The following UBE2Q2 variants were observed in gnomAD, a reference collection of about 807,000 sequenced individuals.
UBE2Q2 encodes the protein ubiquitin conjugating enzyme E2 Q2.
In UBE2Q2, 54 loss-of-function variants were observed where a neutral mutation model predicts 59.9. The ratio of observed to expected loss-of-function variants is 0.90; its 90% CI spans 0.72 to 1.13. UBE2Q2 has a LOEUF of 1.13. Among genes scored for constraint, UBE2Q2 ranks in the 50% most tolerant of loss-of-function variants. UBE2Q2 has a pLI of 0.00. For missense variants in UBE2Q2, 433 were observed against 441.9 expected, an observed-to-expected ratio of 0.98 and a Z score of 0.18; for synonymous variants, 165 against 155.2, an observed-to-expected ratio of 1.06 and a Z score of -0.47.
In UBE2Q2 at chr15:75,843,515, T is replaced by A. The variant is rs1896125650; in HGVS notation, c.-152T>A. The A allele has an allele frequency of 2.6e-6, 1 of 391,902 alleles. No homozygotes were observed. Among genetic ancestry groups the A allele is most frequent in the Admixed American group, 5.3e-5 (1 of 19,012 alleles). The allele number at this position is 391,902 out of a possible 1,614,324, so 24.3% of individuals were successfully genotyped here. ...GCCGAGGCTTCCGCGCCCCTCGCCA[T>A]TTTCCAGCAGCGCTCGACGAGGCGG... On this transcript the variant is annotated 5_prime_UTR_variant, in exon 1 of 13. Transcript: ENST00000267938.
Position 75,873,587 on chromosome 15 carries a change from C to T in UBE2Q2, c.588+19C>T. 6.3e-7 allele frequency: 1 copy of T among 1,596,372 alleles called. No individual in the cohort carries two copies. Among genetic ancestry groups the T allele is most frequent in the Non-Finnish European group, 8.5e-7 (1 of 1,174,368 alleles). On this transcript the variant is annotated intron_variant, in intron 5 of 12. Transcript: ENST00000267938. ...TTTAAATGTAAGTGTGTGTAGATAT[C>T]TAGAACCTGGACTTTTGTGGTTAAA...
intron 5 of UBE2Q2, among the ~76,000 whole-genome samples, chr15:75,875,645 C>T (rs1218422208): frequency 1.3e-5 from 2 of 152,122 alleles, no homozygotes; most frequent in Non-Finnish European, 2.9e-5. Flanking sequence ...CCATGGTGGT[C>T]TGGACATGTT....
At position 75,868,461 on chromosome 15, in the gene UBE2Q2, G is replaced by T. The variant is rs143765733; in HGVS notation, c.388-490G>T. Among the ~76,000 whole-genome samples, 14 of 152,094 alleles carry T rather than the reference G, an allele frequency of 9.2e-5. 1 individual carries two copies. The highest frequency in any genetic ancestry group is 3.4e-4 in the African/African-American group (14 of 41,410). On this transcript the variant is annotated intron_variant, in intron 3 of 12. Transcript: ENST00000267938. ...GGTGGTAATCATTTCATAATTCTTA[G>T]TTTTGTGAAATGTCTATTATCAATA...
At chr15:75,861,681 C>A (rs1472376786) in intron 3 of UBE2Q2, among the ~76,000 whole-genome samples, 1 of 151,996 alleles carries the variant, frequency 6.6e-6, no homozygotes, top group African/African-American at 2.4e-5. Flanking sequence ...ATTTTTCTTT[C>A]AACTTTTGGA....
At chr15:75,876,835 T>G (rs1898111956) in intron 6 of UBE2Q2, among the ~76,000 whole-genome samples, 1 of 152,164 alleles carries the variant, frequency 6.6e-6, no homozygotes, top group African/African-American at 2.4e-5. Context: ...TCTAATAGTA[T>G]TAAATAATGA....
rs973453954 is a variant in UBE2Q2 at position 75,843,596 on chromosome 15, G to T, written c.-71G>T. ...GCGGGGCGGTCGCGGCCGTGACGGC[G>T]GCTCCGGGCCCGGCTCCCCTTCCGC... On this transcript the variant is annotated 5_prime_UTR_variant, in exon 1 of 13. Transcript: ENST00000267938. 6.5e-6 allele frequency: 9 copies of T among 1,391,784 alleles called. No homozygotes were observed. The highest frequency in any genetic ancestry group is 2.4e-4 in the Middle Eastern group (1 of 4,140). The allele number at this position is 1,391,784 out of a possible 1,614,324, so 86.2% of individuals were successfully genotyped here.
intron 1 of UBE2Q2, among the ~76,000 whole-genome samples, chr15:75,849,037 T>C (rs1896502123): frequency 6.6e-6 from 1 of 152,216 alleles, no homozygotes; most frequent in Non-Finnish European, 1.5e-5. Context: ...GCATTTTCTT[T>C]TTATCATGGG....
At chr15:75,851,873 G>C (rs1896651463) in intron 1 of UBE2Q2, among the ~76,000 whole-genome samples, 1 of 151,980 alleles carries the variant, frequency 6.6e-6, no homozygotes, top group African/African-American at 2.4e-5. Flanking sequence ...CTTCATCATA[G>C]ACATTCTTTT....
Position 75,879,199 on chromosome 15 carries a change from A to G in UBE2Q2, c.825+11A>G, listed in dbSNP as rs772590071. 5 of 1,520,522 alleles carry G rather than the reference A, an allele frequency of 3.3e-6. No individual in the cohort carries two copies. The highest frequency in any genetic ancestry group is 1.9e-5 in the Admixed American group (1 of 52,472). The allele number at this position is 1,520,522 out of a possible 1,614,324, so 94.2% of individuals were successfully genotyped here. On this transcript the variant is annotated intron_variant, in intron 8 of 12. Transcript: ENST00000267938. ...AACTTCTCTTTTAAGGTAAGAAAAT[A>G]GTTACAGGACCCCATATACTTCCAG...
intron 11 of UBE2Q2, among the ~76,000 whole-genome samples, chr15:75,894,691 C>A (rs977249928): frequency 6.6e-6 from 1 of 151,986 alleles, no homozygotes; most frequent in African/African-American, 2.4e-5. Flanking sequence ...ACAGTAAAGT[C>A]TCTGCAGAAA....
intron 3 of UBE2Q2, among the ~76,000 whole-genome samples, chr15:75,864,411 A>G (rs1897349748): frequency 6.6e-6 from 1 of 152,138 alleles, no homozygotes; most frequent in Non-Finnish European, 1.5e-5. Flanking sequence ...AGGGGATGTC[A>G]CTAAACATCC....
chr15:75,886,213 G>A (rs1360686073), intron 9 of UBE2Q2, among the ~76,000 whole-genome samples: 11 of 151,844 alleles, frequency 7.2e-5, no homozygotes, highest in African/African-American at 2.7e-4. Flanking sequence ...TATGCCTCCC[G>A]GGTTCAAGCC....
chr15:75,892,155 G>A (rs1899142227), intron 11 of UBE2Q2, among the ~76,000 whole-genome samples: 1 of 152,176 alleles, frequency 6.6e-6, no homozygotes, highest in Non-Finnish European at 1.5e-5. Flanking sequence ...ATCTCTTGGA[G>A]AATCTCAGGA....
Position 75,874,217 on chromosome 15 carries a change from G to A in UBE2Q2, c.588+649G>A, listed in dbSNP as rs544737151. On this transcript the variant is annotated intron_variant, in intron 5 of 12. Transcript: ENST00000267938. ...ATACAATTCAAGTTCTTTCTCCTTC[G>A]TGAAGCTGACTTTGGTCTGTCCTGC... Among the ~76,000 whole-genome samples the A allele has an allele frequency of 3.3e-5, 5 of 151,326 alleles. No homozygotes were observed. In the South Asian group the frequency reaches 6.3e-4, roughly 19 times the overall value.
At position 75,843,528 on chromosome 15, in the gene UBE2Q2, C is replaced by G. The variant is rs1896126348; in HGVS notation, c.-139C>G. On this transcript the variant is annotated 5_prime_UTR_variant, in exon 1 of 13. Coordinates refer to ENST00000267938, the MANE Select transcript of UBE2Q2 (RefSeq NM_173469.4). ...CGCCCCTCGCCATTTTCCAGCAGCG[C>G]TCGACGAGGCGGAGCCGCGAGAGCG... is the stretch of plus-strand genomic sequence containing the variant. The G allele has an allele frequency of 2.1e-6, 1 of 466,904 alleles. No individual in the cohort carries two copies. The highest frequency in any genetic ancestry group is 2.1e-5 in the African/African-American group (1 of 47,826). 28.9% of individuals were successfully genotyped at this position (466,904 alleles called of 1,614,324 possible). A position where few individuals can be genotyped will look rare whatever the true frequency, so the allele number is the denominator to read the frequency against.
chr15:75,887,233 C>G (rs937568434), intron 9 of UBE2Q2, among the ~76,000 whole-genome samples: 1 of 152,162 alleles, frequency 6.6e-6, no homozygotes, highest in African/African-American at 2.4e-5. Flanking sequence ...TTATCAAATG[C>G]TAACCATGGA....
chr15:75,883,808 T>G (rs895019090), intron 9 of UBE2Q2, among the ~76,000 whole-genome samples: 1 of 152,102 alleles, frequency 6.6e-6, no homozygotes, highest in Non-Finnish European at 1.5e-5. Flanking sequence ...GGTAAAGTTT[T>G]TAATGATTCA....
chr15:75,863,472 G>T (rs113685637), intron 3 of UBE2Q2, among the ~76,000 whole-genome samples: 1 of 150,556 alleles, frequency 6.6e-6, no homozygotes, highest in African/African-American at 2.4e-5. Flanking sequence ...TTTTGACGGA[G>T]TCTCTCTGTC....
intron 3 of UBE2Q2, 59 bp from the exon 4 acceptor site, chr15:75,868,892 G>A (rs979539994): frequency 2.0e-6 from 3 of 1,491,790 alleles, no homozygotes; most frequent in Non-Finnish European, 2.8e-6. Flanking sequence ...GTCTTCTAAT[G>A]TACTCAGCCT....
Sources: allele counts gnomAD v4.1 joint callset (sites outside exome capture counted in the v4.1 genomes callset), GRCh38; gene constraint gnomAD v4.1.1; transcripts MANE v1.5; gene names NCBI Gene and HGNC (gene_info 2026-07-23, HGNC 2026-07-21).